EIF2D: variants seen among roughly 807,000 people sequenced by gnomAD.
EIF2D encodes the protein hepatocellular carcinoma-associated antigen 56.
A neutral mutation model predicts 77.4 loss-of-function variants in EIF2D; 56 were observed. The observed-to-expected ratio is 0.72, with a 90% CI of 0.58 to 0.90. The LOEUF (loss-of-function observed/expected upper bound fraction) is 0.90, where lower values mean the gene tolerates loss of function less well. EIF2D is among the 40% of genes least tolerant of loss of function. EIF2D has a pLI of 0.00. For missense variants in EIF2D, 574 were observed against 706.5 expected (o/e 0.81, Z 2.13); for synonymous variants, 230 against 271.0 (o/e 0.85, Z 1.49).
chr1:206,591,454 A>G (rs995658174), downstream of EIF2D, among the ~76,000 whole-genome samples: 1 of 152,276 alleles, frequency 6.6e-6, no homozygotes, highest in East Asian at 1.9e-4. Flanking sequence ...GTCTTTAAAA[A>G]GAGGAAGGCC....
chr1:206,608,229 A>G lies in EIF2D; in HGVS notation c.422+7T>C, dbSNP rs1032034546. ...TCCCCCAAAGGCACAGTTGCCTGGC[A>G]CAGTACCTGTTCCCCACCAAAGAAA... On this transcript the variant is annotated splice_region_variant and intron_variant, in intron 4 of 14. Transcript: ENST00000271764. 3 of 1,611,072 alleles carry G rather than the reference A, an allele frequency of 1.9e-6. No homozygotes were observed. The highest frequency in any genetic ancestry group is 2.2e-5 in the South Asian group (2 of 90,624).
rs782772990 is a variant in EIF2D, at chr1:206,612,280, C to A, written c.56+7G>T. On this transcript the variant is annotated splice_region_variant and intron_variant, in intron 1 of 14. Transcript: ENST00000271764. ...CCGTGGCAGAGCAGGCCCCTTTCCT[C>A]CCTCACCTGTCCGACCCCTTGATGG... is the stretch of plus-strand genomic sequence containing the variant. The A allele has an allele frequency of 6.2e-7, 1 of 1,614,250 alleles. No individual in the cohort carries two copies. The highest frequency in any genetic ancestry group is 1.1e-5 in the South Asian group (1 of 91,088).
At chr1:206,583,422 C>A in intron 2 of EIF2D, 2 of 1,382,402 alleles carry the variant, frequency 1.4e-6, no homozygotes, top group East Asian at 4.6e-5. Context: ...GCTCCACCAC[C>A]CGCTTCGGGT....
chr1:206,593,569 G>A, intron 14 of EIF2D, 50 bp downstream of exon 14: 1 of 1,467,046 alleles, frequency 6.8e-7, no homozygotes, highest in Non-Finnish European at 9.2e-7. Flanking sequence ...TGGCAGGAAG[G>A]TCTTTGCTGA....
chr1:206,602,570 C>T, intron 6 of EIF2D, 117 bp from the exon 7 acceptor site: 1 of 889,504 alleles, frequency 1.1e-6, no homozygotes, highest in Non-Finnish European at 1.8e-6. Flanking sequence ...GGAACCCATT[C>T]CCAGGTACCA....
chr1:206,609,940 T>C (rs1339318507), intron 2 of EIF2D, among the ~76,000 whole-genome samples: 1 of 152,114 alleles, frequency 6.6e-6, no homozygotes, highest in African/African-American at 2.4e-5. Flanking sequence ...CCTAAGGATA[T>C]TGCATTGCAC....
chr1:206,593,508 AGTGTGTGTGT>A (rs782562616), intron 14 of EIF2D, 101 bp downstream of exon 14: 7 of 401,502 alleles, frequency 1.7e-5, no homozygotes, highest in South Asian at 9.1e-5. Context: ...AGAGAGAGAG[AGTGTGTGTGT>A]GTGTGTGTGT....
At chr1:206,608,162 T>C (rs1240110524) in intron 4 of EIF2D, 74 bp downstream of exon 4, 31 of 1,412,010 alleles carry the variant, frequency 2.2e-5, no homozygotes, top group Non-Finnish European at 3.0e-5. Context: ...ATATGCTTTA[T>C]AAGTTGTCAT....
chr1:206,570,877 G>A (rs75599683), downstream of EIF2D, among the ~76,000 whole-genome samples: 28 of 152,184 alleles, frequency 1.8e-4, no homozygotes, highest in East Asian at 1.4e-3. Context: ...GAATCGTGCC[G>A]CTGCAAACCT....
In EIF2D at chr1:206,584,351, C is replaced by A; in HGVS notation, c.139-3189G>T. ...GGCAGATATGATCATGCAAGGCGGA[C>A]GGCCCTGACCCCCTGTGACATGCCC... On this transcript the variant is annotated intron_variant and NMD_transcript_variant, in intron 2 of 5. Coordinates refer to the EIF2D transcript ENST00000472709. The surrounding 1 kb of genome is among the most constrained non-coding windows in gnomAD (Gnocchi z 4.9). 1.3e-6 allele frequency: 2 copies of A among 1,572,972 alleles called. No homozygotes were observed. The highest frequency in any genetic ancestry group is 8.6e-7 in the Non-Finnish European group (1 of 1,158,036).
intron 4 of EIF2D, among the ~76,000 whole-genome samples, chr1:206,576,871 G>A (rs905353749): frequency 1.3e-5 from 2 of 152,090 alleles, no homozygotes; most frequent in African/African-American, 2.4e-5. Context: ...GCACAATCAC[G>A]GCTCACTGCA....
chr1:206,599,073 C>T lies in EIF2D; in HGVS notation c.1222G>A (p.Gly408Ser). 6.2e-7 allele frequency: 1 copy of T among 1,614,110 alleles called. No individual in the cohort carries two copies. ...ATGACGATCGTTCGGACCTCACTGC[C>T]CTCCAGAAAGCTCCCCTTCCTAGGT... is the stretch of plus-strand genomic sequence containing the variant. The part of the protein sequence containing the change: ...SGHKKGSFLE[G>S]SEVRTIVINY... The change falls in exon 11 of 15, where the codon GGC becomes AGC. Residue 408 changes from glycine (G) to serine (S), a missense_variant. Gly to Ser is a moderately conservative substitution (Grantham distance 56, BLOSUM62 0). Coordinates refer to ENST00000271764, the MANE Select transcript of EIF2D (RefSeq NM_006893.3). This position sits in a 1 kb window ranked among gnomAD's most constrained non-coding sequence, Gnocchi z 4.1.
chr1:206,608,111 T>C (rs1670285787), intron 4 of EIF2D, 125 bp downstream of exon 4: 2 of 785,340 alleles, frequency 2.5e-6, no homozygotes, highest in Non-Finnish European at 4.0e-6. Context: ...TGGCCCACTC[T>C]GCTTCTTCCA....
At chr1:206,612,153 T>G in intron 1 of EIF2D, 134 bp downstream of exon 1, 1 of 1,195,412 alleles carries the variant, frequency 8.4e-7, no homozygotes, top group Non-Finnish European at 1.2e-6. Context: ...CCTTGCCTCC[T>G]GGGGTCCCTT....
chr1:206,577,289 A>T (rs1398559878), intron 4 of EIF2D, among the ~76,000 whole-genome samples: 2 of 152,186 alleles, frequency 1.3e-5, no homozygotes, highest in African/African-American at 4.8e-5. Context: ...AACAAACTCT[A>T]TGGGCATGTG....
At chr1:206,590,816 G>T (rs1317226578), downstream of EIF2D, among the ~76,000 whole-genome samples, 2 of 152,156 alleles carry the variant, frequency 1.3e-5, no homozygotes, top group Non-Finnish European at 2.9e-5. Context: ...AAACTGAAGT[G>T]CAACTGTCTC....
intron 3 of EIF2D, 124 bp from the exon 4 acceptor site, chr1:206,608,450 A>G (rs1332682882): frequency 2.7e-6 from 2 of 739,902 alleles, no homozygotes; most frequent in Non-Finnish European, 4.2e-6. Flanking sequence ...GTTTTTCATA[A>G]TAAAAATGAA....
At chr1:206,573,080 T>C (rs1668505946) in intron 4 of EIF2D, among the ~76,000 whole-genome samples, 1 of 152,250 alleles carries the variant, frequency 6.6e-6, no homozygotes, top group African/African-American at 2.4e-5. Flanking sequence ...CTAACATTTA[T>C]GGAGTGCTTA....
intron 7 of EIF2D, chr1:206,602,082 G>A (rs536149602): frequency 4.6e-6 from 2 of 431,036 alleles, no homozygotes; most frequent in African/African-American, 4.0e-5. Context: ...CAGAATCTCA[G>A]GAATTTTAAC....
Sources: allele counts gnomAD v4.1 joint callset (sites outside exome capture counted in the v4.1 genomes callset), GRCh38; gene constraint gnomAD v4.1.1; non-coding constraint Gnocchi (gnomAD v3.1); transcripts MANE v1.5; gene names NCBI Gene and HGNC (gene_info 2026-07-23, HGNC 2026-07-21).